The following PCDHA9 variants were observed in gnomAD, a reference collection of about 807,000 sequenced individuals.
PCDHA9 encodes the protein protocadherin alpha-9.
In PCDHA9, 62 loss-of-function variants were observed where a neutral mutation model predicts 62.0. The observed-to-expected ratio is 1.00, with a 90% CI of 0.81 to 1.23. PCDHA9 has a LOEUF of 1.23. PCDHA9 is among the 50% of genes most tolerant of loss of function. The pLI, the probability that PCDHA9 is intolerant of heterozygous loss-of-function variation, is 0.00. For synonymous variants in PCDHA9, 557 were observed against 567.6 expected (o/e 0.98, Z 0.27); for missense variants, 1,205 against 1,249.8 (o/e 0.96, Z 0.54).
At position 140,852,587 on chromosome 5, in the gene PCDHA9, T is replaced by A. The variant is rs2150519180; in HGVS notation, c.2394+1698T>A. The stretch of plus-strand genomic sequence containing the variant: ...CACTGTGCCAAGGCTTTTTTATTTT[T>A]TTTTTTTGTCATTTTCTTTCAAAAC... On this transcript the variant is annotated intron_variant, in intron 1 of 3. Coordinates refer to ENST00000532602, the MANE Select transcript of PCDHA9 (RefSeq NM_031857.2). 5.8e-4 allele frequency: 511 copies of A among 881,870 alleles called. 32 individuals carry two copies. Among genetic ancestry groups the A allele is most frequent in the Admixed American group, 7.6e-4 (12 of 15,710 alleles). 54.6% of individuals were successfully genotyped at this position (881,870 alleles called of 1,614,324 possible).
chr5:140,857,728 C>T lies in PCDHA9; in HGVS notation c.2394+6839C>T, dbSNP rs781841380. ...TGTTCGTGCTGGACGAGAACGACAACGCTCCCGCGCTGCTGGCGTCTCCCG... is the reference window on the plus strand; with the variant it reads ...TGTTCGTGCTGGACGAGAACGACAATGCTCCCGCGCTGCTGGCGTCTCCCG... On this transcript the variant is annotated intron_variant, in intron 1 of 3. Transcript: ENST00000532602. 5.6e-6 allele frequency: 9 copies of T among 1,597,306 alleles called. 1 individual carries two copies. Among genetic ancestry groups the T allele is most frequent in the Non-Finnish European group, 5.1e-6 (6 of 1,167,718 alleles).
intron 1 of PCDHA9, chr5:140,862,887 G>C (rs781965401): frequency 2.7e-5 from 15 of 562,992 alleles, no homozygotes; most frequent in South Asian, 1.8e-4. Flanking sequence ...GTGCTGGAAC[G>C]ACAACTTTGT....
At chr5:140,859,558 A>G (rs1554152480) in intron 1 of PCDHA9, 1 of 177,480 alleles carries the variant, frequency 5.6e-6, no homozygotes, top group African/African-American at 2.4e-5. Flanking sequence ...CCAAACACCA[A>G]TGCCATGAAT....
chr5:140,874,970 G>T (rs186825854), intron 1 of PCDHA9, among the ~76,000 whole-genome samples: 6 of 152,162 alleles, frequency 3.9e-5, no homozygotes, highest in Non-Finnish European at 7.4e-5. Flanking sequence ...AAGGGGAGGG[G>T]TGCTGTATAT....
At chr5:140,875,837 A>T in intron 1 of PCDHA9, 1 of 1,614,140 alleles carries the variant, frequency 6.2e-7, no homozygotes, top group Non-Finnish European at 8.5e-7. Context: ...GTGGACGTGG[A>T]GGTGAAGGAC....
chr5:140,870,562 G>T (rs1554164416), intron 1 of PCDHA9: 1 of 1,613,996 alleles, frequency 6.2e-7, no homozygotes, highest in Non-Finnish European at 8.5e-7. Context: ...GCAGGAGAAC[G>T]CGCTGGTGTC....
At chr5:140,949,167 T>C (rs2094348737) in intron 1 of PCDHA9, among the ~76,000 whole-genome samples, 1 of 151,798 alleles carries the variant, frequency 6.6e-6, no homozygotes, top group Admixed American at 6.6e-5. Flanking sequence ...AATTCTCTTT[T>C]GGTCAGAGAA....
intron 1 of PCDHA9, chr5:140,876,827 C>T (rs1554168978): frequency 6.2e-7 from 1 of 1,614,182 alleles, no homozygotes; most frequent in Admixed American, 1.7e-5. Context: ...AACGACAATG[C>T]GCCTGCGTTC....
At chr5:140,986,950 A>C (rs1161887732) in intron 3 of PCDHA9, among the ~76,000 whole-genome samples, 1 of 152,164 alleles carries the variant, frequency 6.6e-6, no homozygotes, top group Admixed American at 6.5e-5. Flanking sequence ...GTGGTCGCTC[A>C]TGCCTGTAAT....
At chr5:140,932,728 T>C (rs2088582843) in intron 1 of PCDHA9, among the ~76,000 whole-genome samples, 1 of 151,886 alleles carries the variant, frequency 6.6e-6, no homozygotes, top group African/African-American at 2.4e-5. Context: ...TTGTATAATA[T>C]AGACCCTCAA....
intron 1 of PCDHA9, chr5:140,882,277 T>C: frequency 1.9e-6 from 3 of 1,612,528 alleles, no homozygotes; most frequent in African/African-American, 1.3e-5. Flanking sequence ...CCATGCTGTC[T>C]TCCTGGCAAG....
intron 3 of PCDHA9, among the ~76,000 whole-genome samples, chr5:140,990,652 A>T (rs1023448596): frequency 1.3e-4 from 20 of 152,208 alleles, no homozygotes; most frequent in Admixed American, 1.3e-3. Flanking sequence ...GCCAGTATGA[A>T]TGATTTACAT....
intron 1 of PCDHA9, chr5:140,860,705 T>C (rs1444620274): frequency 6.6e-6 from 1 of 152,242 alleles, no homozygotes; most frequent in Non-Finnish European, 1.5e-5. Context: ...ATATTGTTGT[T>C]CTCCATGAAA....
chr5:140,989,653 T>A (rs1308581336), intron 3 of PCDHA9, among the ~76,000 whole-genome samples: 2 of 152,194 alleles, frequency 1.3e-5, no homozygotes, highest in African/African-American at 4.8e-5. Context: ...ATGGCAATAT[T>A]TTAAAAGAAA....
At chr5:140,857,652 G>A in intron 1 of PCDHA9, 4 of 1,596,610 alleles carry the variant, frequency 2.5e-6, no homozygotes, top group Admixed American at 1.7e-5. Context: ...TTCCAGGTGA[G>A]CGCGCGCGAT....
chr5:140,966,452 C>T, intron 1 of PCDHA9: 1 of 425,890 alleles, frequency 2.3e-6, no homozygotes, highest in South Asian at 9.0e-5. Flanking sequence ...TTTCCCCCTC[C>T]CCCTCTGTCT....
chr5:140,862,602 C>T (rs2047444114), intron 1 of PCDHA9: 2 of 514,424 alleles, frequency 3.9e-6, no homozygotes, highest in South Asian at 3.0e-5. Flanking sequence ...ACATGGTGTT[C>T]GTGAAAGGTA....
At chr5:140,856,715 G>A (rs1233191211) in intron 1 of PCDHA9, 4 of 1,596,328 alleles carry the variant, frequency 2.5e-6, no homozygotes, top group Admixed American at 1.7e-5. Context: ...TGAATTTACC[G>A]GATCTGTTTC....
At chr5:140,863,660 A>G (rs1439004370) in intron 1 of PCDHA9, 2 of 293,826 alleles carry the variant, frequency 6.8e-6, no homozygotes, top group Non-Finnish European at 1.3e-5. Flanking sequence ...TGATTGCTTT[A>G]TTTATTTTGC....
Sources: gnomAD v4.1 joint callset for allele counts (sites outside exome capture counted in the v4.1 genomes callset) on GRCh38, gnomAD v4.1.1 for gene constraint, MANE v1.5 for transcripts, NCBI Gene and HGNC (gene_info 2026-07-23, HGNC 2026-07-21) for gene names.